SGCZ: variants seen among roughly 807,000 people sequenced by gnomAD.
SGCZ encodes the protein zeta-sarcoglycan.
SGCZ carries 40 observed loss-of-function variants against 41.3 expected under a neutral mutation model. That is an observed-to-expected ratio of 0.97 (90% confidence interval 0.75 to 1.26). The LOEUF is 1.26. SGCZ is among the 50% of genes most tolerant of loss of function. The pLI is 0.00. For synonymous variants in SGCZ, 206 were observed against 137.5 expected (o/e 1.50, Z -3.49); for missense variants, 552 against 369.8 (o/e 1.49, Z -4.04).
intron 2 of SGCZ, among the ~76,000 whole-genome samples, chr8:14,516,904 T>C (rs12545302): frequency 0.021 from 3,162 of 151,734 alleles, 132 homozygotes; most frequent in Admixed American, 0.089. Context: ...ACACCAAGAG[T>C]ATATGGAAAC....
At chr8:14,150,101 A>G (rs999797763) in intron 5 of SGCZ, among the ~76,000 whole-genome samples, 9 of 152,154 alleles carry the variant, frequency 5.9e-5, no homozygotes, top group Non-Finnish European at 8.8e-5. Context: ...AAACTATCCA[A>G]GACATTGGTC....
chr8:14,671,117 G>T (rs9325724), intron 1 of SGCZ, among the ~76,000 whole-genome samples: 1 of 151,946 alleles, frequency 6.6e-6, no homozygotes. Context: ...AGTTCCTCTG[G>T]ACTTCAGCTT....
At chr8:14,883,367 G>A (rs1040245647) in intron 1 of SGCZ, among the ~76,000 whole-genome samples, 5 of 152,014 alleles carry the variant, frequency 3.3e-5, no homozygotes, top group Non-Finnish European at 7.4e-5. Flanking sequence ...AGCCTGAAGA[G>A]AAGGCAAGAC....
At chr8:14,417,682 T>C (rs962130389) in intron 2 of SGCZ, among the ~76,000 whole-genome samples, 1 of 151,936 alleles carries the variant, frequency 6.6e-6, no homozygotes, top group African/African-American at 2.4e-5. Context: ...TAACGTATTG[T>C]ACTCTTGAAA....
chr8:14,376,850 A>C (rs1450862245), intron 2 of SGCZ, among the ~76,000 whole-genome samples: 124 of 152,226 alleles, frequency 8.1e-4, no homozygotes, highest in Non-Finnish European at 4.4e-5. Flanking sequence ...GGATTTATTT[A>C]TGTAATGCAA....
chr8:14,252,989 A>T (rs1799334933), intron 3 of SGCZ, among the ~76,000 whole-genome samples: 1 of 152,190 alleles, frequency 6.6e-6, no homozygotes, highest in Non-Finnish European at 1.5e-5. Flanking sequence ...CAGAACATAC[A>T]GCCTGTGAAT....
chr8:14,869,828 C>T (rs1804079574), intron 1 of SGCZ, among the ~76,000 whole-genome samples: 1 of 152,142 alleles, frequency 6.6e-6, no homozygotes, highest in South Asian at 2.1e-4. Context: ...TGAGTGAACT[C>T]CCATTCACAC....
At chr8:14,620,031 T>A (rs1341919723) in intron 1 of SGCZ, among the ~76,000 whole-genome samples, 1 of 152,170 alleles carries the variant, frequency 6.6e-6, no homozygotes, top group Non-Finnish European at 1.5e-5. Context: ...ACTACCTGAC[T>A]TCAAACTATA....
chr8:14,440,138 T>C (rs1423635745), intron 2 of SGCZ, among the ~76,000 whole-genome samples: 1 of 152,134 alleles, frequency 6.6e-6, no homozygotes, highest in Non-Finnish European at 1.5e-5. Flanking sequence ...TGTCTCATTT[T>C]TTGATAAAAA....
At chr8:15,131,247 A>T (rs966874368) in intron 1 of SGCZ, among the ~76,000 whole-genome samples, 10 of 152,104 alleles carry the variant, frequency 6.6e-5, no homozygotes, top group African/African-American at 2.2e-4. Flanking sequence ...AGATAACTGA[A>T]CCATCAGGAT....
At chr8:14,430,842 CAA>C (rs1799923973) in intron 2 of SGCZ, among the ~76,000 whole-genome samples, 3 of 152,164 alleles carry the variant, frequency 2.0e-5, no homozygotes, top group African/African-American at 7.2e-5. Context: ...AAGAATTCAG[CAA>C]AGTTTCCGGA....
intron 1 of SGCZ, among the ~76,000 whole-genome samples, chr8:14,837,003 A>G (rs1802722841): frequency 6.6e-6 from 1 of 152,172 alleles, no homozygotes; most frequent in Non-Finnish European, 1.5e-5. Flanking sequence ...CAAAGAATTT[A>G]TAGTTATTTT....
At chr8:14,391,564 A>C (rs764450639) in intron 2 of SGCZ, among the ~76,000 whole-genome samples, 75 of 152,156 alleles carry the variant, frequency 4.9e-4, no homozygotes, top group Non-Finnish European at 8.2e-4. Context: ...CTAGAGGAGA[A>C]GCCATATTAT....
intron 3 of SGCZ, among the ~76,000 whole-genome samples, chr8:14,269,023 T>C (rs1799969836): frequency 6.6e-6 from 1 of 151,956 alleles, no homozygotes; most frequent in South Asian, 2.1e-4. Context: ...AAAAAGAATA[T>C]ATAAAACAAT....
intron 1 of SGCZ, among the ~76,000 whole-genome samples, chr8:15,234,202 G>C (rs1336103716): frequency 1.3e-5 from 2 of 152,124 alleles, no homozygotes; most frequent in Non-Finnish European, 2.9e-5. Context: ...AGCAACGATG[G>C]AGCTAAAATA....
chr8:14,621,217 C>T (rs113492803), intron 1 of SGCZ, among the ~76,000 whole-genome samples: 45 of 141,860 alleles, frequency 3.2e-4, no homozygotes, highest in African/African-American at 1.0e-3. Flanking sequence ...TGTTCTCACT[C>T]ATAGGTGGGA....
intron 1 of SGCZ, among the ~76,000 whole-genome samples, chr8:15,193,925 C>G (rs951947882): frequency 6.6e-6 from 1 of 152,106 alleles, no homozygotes; most frequent in Non-Finnish European, 1.5e-5. Context: ...ACATCTCAAA[C>G]ATGTTCTTAT....
chr8:14,461,707 G>T (rs894206590), intron 2 of SGCZ, among the ~76,000 whole-genome samples: 1 of 151,988 alleles, frequency 6.6e-6, no homozygotes, highest in African/African-American at 2.4e-5. Context: ...GATATTCAAC[G>T]CAAAGTCCTA....
intron 1 of SGCZ, among the ~76,000 whole-genome samples, chr8:14,568,724 T>C (rs1804459249): frequency 6.6e-6 from 1 of 152,208 alleles, no homozygotes; most frequent in African/African-American, 2.4e-5. Context: ...TTGAATTCAG[T>C]TAAAGTTAAA....
Sources: allele counts gnomAD v4.1 joint callset (sites outside exome capture counted in the v4.1 genomes callset), GRCh38; gene constraint gnomAD v4.1.1; transcripts MANE v1.5; gene names NCBI Gene and HGNC (gene_info 2026-07-23, HGNC 2026-07-21).